Variants in CACNA2D4 observed in about 807,000 individuals in gnomAD.
CACNA2D4 encodes the protein voltage-dependent calcium channel subunit alpha-2/delta-4.
Under a neutral mutation model 163.8 loss-of-function variants are expected in CACNA2D4, and 157 were observed. The ratio of observed to expected loss-of-function variants is 0.96; its 90% CI spans 0.84 to 1.09. The LOEUF (loss-of-function observed/expected upper bound fraction) is 1.09. CACNA2D4 is among the 50% of genes least tolerant of loss of function. The pLI is 0.00. For synonymous variants in CACNA2D4, 598 were observed against 586.9 expected, an observed-to-expected ratio of 1.02 and a Z score of -0.27; for missense variants, 1,410 against 1,479.9, an observed-to-expected ratio of 0.95 and a Z score of 0.78.
At chr12:1,815,162 G>A (rs1328773356) in intron 26 of CACNA2D4, among the ~76,000 whole-genome samples, 7 of 152,212 alleles carry the variant, frequency 4.6e-5, no homozygotes, top group South Asian at 2.1e-4. Context: ...AAAGTGCTGG[G>A]ACTACAGGCG....
rs1170145910 is a variant in CACNA2D4, at chr12:1,806,015, G to A, written c.2721+4263C>T. On this transcript the variant is annotated intron_variant, in intron 29 of 37. Transcript: ENST00000382722. This position sits in a 1 kb window ranked among gnomAD's most constrained non-coding sequence, Gnocchi z 4.1. Reference sequence around the variant, plus strand: ...CTGCTCTGAGGGCCTGCCTGGTCCGGCTCACTGGGCTGGGGTGTGGAGGGA... The same window carrying A: ...CTGCTCTGAGGGCCTGCCTGGTCCGACTCACTGGGCTGGGGTGTGGAGGGA... Among the ~76,000 whole-genome samples the A allele has an allele frequency of 1.3e-5, 2 of 152,232 alleles. No individual in the cohort carries two copies. The highest frequency in any genetic ancestry group is 2.9e-5 in the Non-Finnish European group (2 of 68,042).
At chr12:1,908,112 G>A in intron 4 of CACNA2D4, 75 bp from the exon 5 acceptor site, 1 of 1,465,230 alleles carries the variant, frequency 6.8e-7, no homozygotes, top group Non-Finnish European at 9.4e-7. Flanking sequence ...GAGAAACGGC[G>A]CAGGTGAGAG....
chr12:1,900,270 T>C (rs560076635), intron 6 of CACNA2D4, among the ~76,000 whole-genome samples: 1 of 152,138 alleles, frequency 6.6e-6, no homozygotes, highest in South Asian at 2.1e-4. Flanking sequence ...GCACCACAGG[T>C]GCACACCACC....
chr12:1,909,868 C>A, intron 4 of CACNA2D4, 38 bp downstream of exon 4: 1 of 1,599,110 alleles, frequency 6.3e-7, no homozygotes, highest in Non-Finnish European at 8.6e-7. Flanking sequence ...CTCAGGCGAT[C>A]CTGGCCCTCT....
chr12:1,860,351 C>A, intron 18 of CACNA2D4, 145 bp from the exon 19 acceptor site: 1 of 655,162 alleles, frequency 1.5e-6, no homozygotes, highest in Admixed American at 2.3e-5. Context: ...CCCTACACAC[C>A]TCATCCTAGT....
intron 23 of CACNA2D4, among the ~76,000 whole-genome samples, chr12:1,849,855 CT>C (rs1865234958): frequency 1.3e-5 from 2 of 152,100 alleles, no homozygotes; most frequent in African/African-American, 4.8e-5. Flanking sequence ...ATTATTCATA[CT>C]TTTTTCATTA....
At chr12:1,850,830 CGAG>C (rs1865261191) in intron 23 of CACNA2D4, among the ~76,000 whole-genome samples, 1 of 148,774 alleles carries the variant, frequency 6.7e-6, no homozygotes. Context: ...AGGAGAATGG[CGAG>C]CTTGTGCCAC....
chr12:1,913,338 C>G (rs1866881928), intron 2 of CACNA2D4, among the ~76,000 whole-genome samples, 199 bp from the exon 3 acceptor site: 2 of 152,232 alleles, frequency 1.3e-5, no homozygotes, highest in South Asian at 4.1e-4. Context: ...CTCAAATATC[C>G]TCTCTGTTCC....
chr12:1,860,187 G>A lies in CACNA2D4; in HGVS notation c.1898C>T (p.Thr633Ile), dbSNP rs1355492344. The A allele has an allele frequency of 6.2e-7, 1 of 1,613,728 alleles. No homozygotes were observed. The highest frequency in any genetic ancestry group is 1.7e-5 in the Admixed American group (1 of 60,026). The stretch of plus-strand genomic sequence containing the variant: ...GATGTCCGTGAAGAAGTAGTCATTG[G>A]TCAGGAAAAGAACTCGCTTCTGAAA... The part of the protein sequence containing the change: ...MDKGKRVLFL[T>I]NDYFFTDISD... Residue 633 changes from threonine (T) to isoleucine (I), a missense_variant, in exon 19 of 38, where the codon ACC becomes ATC. Coordinates refer to ENST00000382722, the MANE Select transcript of CACNA2D4 (RefSeq NM_172364.5).
At chr12:1,896,606 AACACACACACACACACAC>A (rs61535168) in intron 6 of CACNA2D4, among the ~76,000 whole-genome samples, 11 of 130,718 alleles carry the variant, frequency 8.4e-5, no homozygotes, top group East Asian at 6.3e-4. Flanking sequence ...GCTATTAATA[AACACACACACACACACAC>A]ACACACACAC....
Position 1,806,114 on chromosome 12 carries a change from C to T in CACNA2D4, c.2721+4164G>A, listed in dbSNP as rs1408811483. 6.6e-6 allele frequency among the ~76,000 whole-genome samples: 1 copy of T among 152,204 alleles called. No homozygotes were observed. Among genetic ancestry groups the T allele is most frequent in the Admixed American group, 6.5e-5 (1 of 15,282 alleles). ...GGGATGGGGCCTCGGATTTTCTAGGCTGCAGTTGCTGCCCCTTGAAGATCC... is the reference window on the plus strand; with the variant it reads ...GGGATGGGGCCTCGGATTTTCTAGGTTGCAGTTGCTGCCCCTTGAAGATCC... On this transcript the variant is annotated intron_variant, in intron 29 of 37. Coordinates refer to ENST00000382722, the MANE Select transcript of CACNA2D4 (RefSeq NM_172364.5). This position sits in a 1 kb window ranked among gnomAD's most constrained non-coding sequence, Gnocchi z 4.1.
chr12:1,797,898 G>A (rs1211194445), intron 34 of CACNA2D4, among the ~76,000 whole-genome samples: 1 of 152,144 alleles, frequency 6.6e-6, no homozygotes, highest in Non-Finnish European at 1.5e-5. Flanking sequence ...AGGCAGTAGG[G>A]GCACCAAGGG....
At chr12:1,853,815 G>T in intron 23 of CACNA2D4, 136 bp downstream of exon 23, 1 of 637,796 alleles carries the variant, frequency 1.6e-6, no homozygotes, top group Non-Finnish European at 2.8e-6. Context: ...TGCCCAGGGG[G>T]ACCTCCACTT....
intron 19 of CACNA2D4, 43 bp downstream of exon 19, chr12:1,860,102 T>C (rs1865489734): frequency 6.6e-7 from 1 of 1,524,268 alleles, no homozygotes; most frequent in Non-Finnish European, 9.1e-7. Flanking sequence ...CTGGTATTCA[T>C]GTTCAACCCT....
chr12:1,858,599 CAGA>C lies in CACNA2D4; in HGVS notation c.1983_1985del (p.Leu662del). On this transcript the variant is annotated inframe_deletion, in exon 20 of 38. Coordinates refer to ENST00000382722, the MANE Select transcript of CACNA2D4 (RefSeq NM_172364.5). ...CACCTTCTTCCACAGACGTGTTCCCCAGAAGGATGTATTCTCCGTGGCCCCGGG... is the reference window on the plus strand; with the variant it reads ...CACCTTCTTCCACAGACGTGTTCCCCAGGATGTATTCTCCGTGGCCCCGGG... The C allele has an allele frequency of 1.2e-6, 2 of 1,613,358 alleles. No individual in the cohort carries two copies. Among genetic ancestry groups the C allele is most frequent in the Non-Finnish European group, 1.7e-6 (2 of 1,179,546 alleles).
intron 26 of CACNA2D4, among the ~76,000 whole-genome samples, chr12:1,824,747 C>A (rs1001985147): frequency 1.3e-5 from 2 of 152,212 alleles, no homozygotes; most frequent in Non-Finnish European, 2.9e-5. Context: ...TAAGGAGGCT[C>A]CACTCTTCTG....
chr12:1,810,369 G>T, intron 28 of CACNA2D4, 29 bp from the exon 29 acceptor site: 1 of 1,606,608 alleles, frequency 6.2e-7, no homozygotes, highest in South Asian at 1.1e-5. Context: ...GGGAGGTTAT[G>T]CCAGGGCCCT....
intron 12 of CACNA2D4, 60 bp downstream of exon 12, chr12:1,884,183 G>A (rs1259674576): frequency 2.0e-6 from 3 of 1,503,684 alleles, no homozygotes; most frequent in South Asian, 1.2e-5. Context: ...CCAGGGCTGG[G>A]TAACCCTGTC....
intron 19 of CACNA2D4, among the ~76,000 whole-genome samples, chr12:1,859,187 A>T (rs891411923): frequency 2.0e-5 from 3 of 150,916 alleles, no homozygotes; most frequent in East Asian, 1.9e-4. Flanking sequence ...CAGCTCTAAA[A>T]TTTTTTTTTT....
Sources: gnomAD v4.1 joint callset for allele counts (sites outside exome capture counted in the v4.1 genomes callset) on GRCh38, gnomAD v4.1.1 for gene constraint, Gnocchi (gnomAD v3.1) non-coding constraint, MANE v1.5 for transcripts, NCBI Gene and HGNC (gene_info 2026-07-23, HGNC 2026-07-21) for gene names.